Variants in ZNF254 observed in about 807,000 individuals in gnomAD.
ZNF254 encodes the protein CTD-2017D11.1.
Under a neutral mutation model 12.4 loss-of-function variants are expected in ZNF254, and 10 were observed. The ratio of observed to expected loss-of-function variants is 0.80; its 90% confidence interval spans 0.50 to 1.36. The LOEUF is 1.36. Among genes scored for constraint, ZNF254 ranks in the 40% most tolerant of loss-of-function variants. The pLI is 0.00. For synonymous variants in ZNF254, 305 were observed against 253.4 expected (o/e 1.20, Z -1.93); for missense variants, 996 against 763.9 (o/e 1.30, Z -3.58).
At chr19:24,091,505 T>G (rs1252121420) in intron 1 of ZNF254, among the ~76,000 whole-genome samples, 1 of 152,090 alleles carries the variant, frequency 6.6e-6, no homozygotes, top group Non-Finnish European at 1.5e-5. Context: ...TTTGATTGTT[T>G]TTTGAGATAA....
chr19:24,043,890 G>A (rs543804361), intron 1 of ZNF254, among the ~76,000 whole-genome samples: 10 of 152,266 alleles, frequency 6.6e-5, no homozygotes, highest in African/African-American at 2.4e-4. Context: ...AGTTATCTCT[G>A]TATATTGGCT....
chr19:24,102,137 T>C (rs1050127929), intron 1 of ZNF254, among the ~76,000 whole-genome samples: 12 of 152,118 alleles, frequency 7.9e-5, no homozygotes, highest in Non-Finnish European at 1.5e-4. Context: ...AATAAATAGA[T>C]GTGTGCAAAA....
chr19:24,088,671 C>T (rs1972175023), intron 1 of ZNF254, among the ~76,000 whole-genome samples: 1 of 151,936 alleles, frequency 6.6e-6, no homozygotes, highest in African/African-American at 2.4e-5. Flanking sequence ...ATTTTTGAGA[C>T]AGAGGCTTGC....
chr19:24,117,550 G>T (rs1046035541), intron 3 of ZNF254, among the ~76,000 whole-genome samples: 5 of 152,156 alleles, frequency 3.3e-5, no homozygotes, highest in African/African-American at 1.2e-4. Context: ...CGTCGGAAAA[G>T]CGCAGTATTA....
chr19:24,083,081 A>T (rs1222120431), upstream of ZNF254, among the ~76,000 whole-genome samples: 2 of 152,150 alleles, frequency 1.3e-5, no homozygotes, highest in Admixed American at 1.3e-4. Flanking sequence ...AAATACTCAT[A>T]AAAAAGCATC....
intron 2 of ZNF254, among the ~76,000 whole-genome samples, chr19:24,050,145 G>A (rs1970590946): frequency 6.6e-6 from 1 of 151,716 alleles, no homozygotes; most frequent in African/African-American, 2.4e-5. Context: ...TTTATTTATT[G>A]TATTATATTT....
At chr19:24,088,248 T>G (rs1193724412) in intron 1 of ZNF254, among the ~76,000 whole-genome samples, 1 of 152,142 alleles carries the variant, frequency 6.6e-6, no homozygotes, top group Non-Finnish European at 1.5e-5. Flanking sequence ...AATATCCTGG[T>G]TATGTAATCA....
intron 2 of ZNF254, 21 bp downstream of exon 2, chr19:24,106,087 A>G (rs748959491): frequency 6.4e-7 from 1 of 1,559,974 alleles, no homozygotes; most frequent in South Asian, 1.2e-5. Flanking sequence ...CTTTAATACA[A>G]AATTCCTCAC....
intron 2 of ZNF254, among the ~76,000 whole-genome samples, chr19:24,075,813 T>C (rs1971638348): frequency 6.6e-6 from 1 of 152,216 alleles, no homozygotes; most frequent in Non-Finnish European, 1.5e-5. Flanking sequence ...TTATCCCTTA[T>C]CTTCAACTGC....
At chr19:24,056,563 G>A (rs1008968566) in intron 2 of ZNF254, among the ~76,000 whole-genome samples, 3 of 152,146 alleles carry the variant, frequency 2.0e-5, no homozygotes, top group Non-Finnish European at 2.9e-5. Context: ...CAGCAACATG[G>A]TGACATGAGT....
chr19:24,049,214 A>ATATTTTT (rs1160333151), intron 2 of ZNF254, among the ~76,000 whole-genome samples: 4 of 40,866 alleles, frequency 9.8e-5, no homozygotes, highest in Admixed American at 3.8e-4. Context: ...ATATATATAT[A>ATATTTTT]TTTTTTTTTT....
rs890333016 is a variant in ZNF254 at position 24,041,588 on chromosome 19, A to C, written c.-189-4596A>C. 2.4e-4 allele frequency among the ~76,000 whole-genome samples: 37 copies of C among 152,320 alleles called. 1 individual carries two copies. Among genetic ancestry groups the C allele is most frequent in the African/African-American group, 8.7e-4 (36 of 41,578 alleles). Reference sequence around the variant, plus strand: ...CGGGACCTGCAGCCCGCCATGCCTGAGCCTCCCACCCACTCCATGGGCTCC... The same window carrying C: ...CGGGACCTGCAGCCCGCCATGCCTGCGCCTCCCACCCACTCCATGGGCTCC... On this transcript the variant is annotated intron_variant, in intron 1 of 4. Transcript: ENST00000613065.
chr19:24,115,595 A>G (rs1270826946), intron 3 of ZNF254, among the ~76,000 whole-genome samples: 1 of 152,014 alleles, frequency 6.6e-6, no homozygotes. Flanking sequence ...TAATGGGTGC[A>G]GCACACCAGC....
chr19:24,050,062 GAT>G (rs751748175), intron 2 of ZNF254, among the ~76,000 whole-genome samples: 3 of 152,014 alleles, frequency 2.0e-5, no homozygotes. Context: ...GAACAAATGT[GAT>G]ATGAGTCTCC....
intron 2 of ZNF254, among the ~76,000 whole-genome samples, chr19:24,081,001 CG>C (rs1371887945): frequency 2.8e-5 from 4 of 145,330 alleles, no homozygotes; most frequent in Admixed American, 6.9e-5. Context: ...CACATAAACC[CG>C]GGAGGCCGAA....
chr19:24,121,793 G>A (rs2145964775), intron 3 of ZNF254, among the ~76,000 whole-genome samples: 1 of 152,220 alleles, frequency 6.6e-6, no homozygotes, highest in Middle Eastern at 3.4e-3. Context: ...CTGACCTCAT[G>A]ATCCACCCTC....
chr19:24,126,473 A>C lies in ZNF254; in HGVS notation c.473A>C (p.Lys158Thr). 3 of 1,588,784 alleles carry C rather than the reference A, an allele frequency of 1.9e-6. No homozygotes were observed. The highest frequency in any genetic ancestry group is 2.6e-6 in the Non-Finnish European group (3 of 1,172,078). Residue 158 changes from lysine (K) to threonine (T), a missense_variant, in exon 4 of 4, where the codon AAA (lysine) becomes ACA (threonine). Coordinates refer to ENST00000357002, the MANE Select transcript of ZNF254 (RefSeq NM_203282.4). ...TAQSKVFQCD[K>T]YLKVFYKFLN... is the part of the protein sequence containing the mutation. ...CAGAGCAAAGTATTTCAATGTGATA[A>C]ATATTTGAAAGTCTTCTATAAATTT...
chr19:24,085,896 T>A, upstream of ZNF254, among the ~76,000 whole-genome samples: 1 of 152,124 alleles, frequency 6.6e-6, no homozygotes, highest in Non-Finnish European at 1.5e-5. Context: ...ATAATGTAGA[T>A]TAAAATACAA....
In ZNF254 at chr19:24,034,488, G is replaced by GTTT. The variant is rs963358053; in HGVS notation, c.-190+887_-190+889dup. On this transcript the variant is annotated intron_variant, in intron 1 of 4. Coordinates refer to the ZNF254 transcript ENST00000613065. Reference sequence around the variant, plus strand: ...GACAAATTTAGATTTAGGTAAGTGGGTTTTTTTTTTTTTTTTTTTTTTCTT... The same window carrying GTTT: ...GACAAATTTAGATTTAGGTAAGTGGGTTTTTTTTTTTTTTTTTTTTTTTTTCTT... Among the ~76,000 whole-genome samples the GTTT allele has an allele frequency of 7.6e-3, 811 of 107,328 alleles. 32 individuals carry two copies. The highest frequency in any genetic ancestry group is 0.024 in the African/African-American group (664 of 28,254). The allele number at this position is 107,328 out of a possible 152,430, so 70.4% of individuals were successfully genotyped here. A position where few individuals can be genotyped will look rare whatever the true frequency, so the allele number is the denominator to read the frequency against.
Sources: allele counts gnomAD v4.1 joint callset (sites outside exome capture counted in the v4.1 genomes callset), GRCh38; gene constraint gnomAD v4.1.1; transcripts MANE v1.5; gene names NCBI Gene and HGNC (gene_info 2026-07-23, HGNC 2026-07-21).